The following CFAP299 variants were observed in gnomAD, a reference collection of about 807,000 sequenced individuals.
The protein encoded by CFAP299 is cilia- and flagella-associated protein 299.
In CFAP299, 21 loss-of-function variants were observed where a neutral mutation model predicts 27.0. The ratio of observed to expected loss-of-function variants is 0.78; its 90% confidence interval spans 0.55 to 1.12. The LOEUF (loss-of-function observed/expected upper bound fraction) is 1.12, where lower values mean the gene tolerates loss of function less well. Among genes scored for constraint, CFAP299 ranks in the 50% most tolerant of loss-of-function variants. The probability of loss-of-function intolerance (pLI) is 0.00; values close to 1 mark genes in which losing one functional copy is unlikely to be tolerated. For missense variants in CFAP299, 310 were observed against 276.6 expected (o/e 1.12, Z -0.86); for synonymous variants, 104 against 98.1 (o/e 1.06, Z -0.36).
upstream of CFAP299, among the ~76,000 whole-genome samples, chr4:80,331,074 G>A (rs1721923338): frequency 6.6e-6 from 1 of 152,136 alleles, no homozygotes; most frequent in Non-Finnish European, 1.5e-5. Context: ...ACTATATCTT[G>A]ATCTCTATAC....
intron 1 of CFAP299, among the ~76,000 whole-genome samples, chr4:80,339,616 A>T (rs922543423): frequency 1.3e-5 from 2 of 152,252 alleles, no homozygotes; most frequent in African/African-American, 2.4e-5. Context: ...AAGCATCAAA[A>T]GAAATGCATC....
chr4:80,558,681 A>G (rs1007246516), intron 2 of CFAP299, among the ~76,000 whole-genome samples: 3 of 148,616 alleles, frequency 2.0e-5, no homozygotes, highest in Non-Finnish European at 4.5e-5. Flanking sequence ...AGAGCATTGG[A>G]AAAAAAAAAG....
intron 2 of CFAP299, among the ~76,000 whole-genome samples, chr4:80,576,197 A>AAATATATATAT (rs980515680): frequency 3.1e-5 from 1 of 32,460 alleles, no homozygotes; most frequent in Admixed American, 3.8e-4. Flanking sequence ...TAAAAAAAAA[A>AAATATATATAT]ATATATATAT....
At chr4:80,578,080 A>C (rs1022607675) in intron 2 of CFAP299, among the ~76,000 whole-genome samples, 1 of 152,218 alleles carries the variant, frequency 6.6e-6, no homozygotes, top group Non-Finnish European at 1.5e-5. Flanking sequence ...TAACTCATCC[A>C]TATAACTTTT....
Position 80,960,430 on chromosome 4 carries a change from A to G in CFAP299, c.607-3087A>G, listed in dbSNP as rs144537498. Among the ~76,000 whole-genome samples the G allele has an allele frequency of 5.3e-4, 80 of 151,972 alleles. No individual in the cohort carries two copies. In the East Asian group the frequency reaches 0.014, roughly 27 times the overall value. On this transcript the variant is annotated intron_variant, in intron 5 of 5. Coordinates refer to ENST00000358105, the MANE Select transcript of CFAP299 (RefSeq NM_152770.3). ...GCAGTAACTATTTTTAAAGTTCTCA[A>G]TTTCAACTTTCAATATGGAAAATAT... is the stretch of plus-strand genomic sequence containing the variant.
At chr4:80,359,151 A>G (rs770373467) in intron 1 of CFAP299, among the ~76,000 whole-genome samples, 5 of 152,076 alleles carry the variant, frequency 3.3e-5, no homozygotes, top group Non-Finnish European at 7.4e-5. Context: ...TTGGCCCCCA[A>G]TCTTTTCTGG....
At chr4:80,809,836 T>C (rs1054719371) in intron 3 of CFAP299, among the ~76,000 whole-genome samples, 1 of 152,164 alleles carries the variant, frequency 6.6e-6, no homozygotes, top group South Asian at 2.1e-4. Flanking sequence ...ATCAATGTAG[T>C]TTGAAATTGC....
chr4:80,864,241 T>C (rs1016982924), intron 3 of CFAP299, among the ~76,000 whole-genome samples: 1 of 151,694 alleles, frequency 6.6e-6, no homozygotes, highest in African/African-American at 2.4e-5. Flanking sequence ...TTAAAATTAT[T>C]CTTAAGTCTA....
chr4:80,667,121 T>C (rs1741179504), intron 3 of CFAP299, among the ~76,000 whole-genome samples: 1 of 152,204 alleles, frequency 6.6e-6, no homozygotes, highest in African/African-American at 2.4e-5. Context: ...AGTCACTACC[T>C]TTGTTCAGCC....
Position 80,360,667 on chromosome 4 carries a change from G to A in CFAP299, c.112-2087G>A, listed in dbSNP as rs145238086. Among the ~76,000 whole-genome samples, 3 of 152,310 alleles carry A rather than the reference G, an allele frequency of 2.0e-5. No individual in the cohort carries two copies. In the East Asian group the frequency reaches 5.8e-4, roughly 29 times the overall value. ...TTGATAGGTAAGTGGCCAGCCACTA[G>A]CCTTCTGATTGTTATAGGTTTCAAG... On this transcript the variant is annotated intron_variant, in intron 1 of 5. Transcript: ENST00000358105.
chr4:80,872,871 G>A (rs1733174062), intron 4 of CFAP299: 2 of 951,014 alleles, frequency 2.1e-6, no homozygotes, highest in Non-Finnish European at 2.5e-6. Context: ...TTAATCCTTT[G>A]CCTCTTATGT....
intron 2 of CFAP299, among the ~76,000 whole-genome samples, chr4:80,418,216 A>T (rs1727111414): frequency 6.6e-6 from 1 of 151,616 alleles, no homozygotes; most frequent in Non-Finnish European, 1.5e-5. Flanking sequence ...ATTCTGGAAG[A>T]TGTACAACAA....
chr4:80,516,026 T>C (rs887412602), intron 2 of CFAP299, among the ~76,000 whole-genome samples: 92 of 149,554 alleles, frequency 6.2e-4, no homozygotes, highest in Non-Finnish European at 7.6e-4. Flanking sequence ...TCTTTTTTTT[T>C]TTTTTTTTTT....
intron 3 of CFAP299, among the ~76,000 whole-genome samples, chr4:80,640,280 A>G (rs1410769571): frequency 6.6e-6 from 1 of 152,134 alleles, no homozygotes; most frequent in Non-Finnish European, 1.5e-5. Context: ...AGAATACTAG[A>G]GGCATGTATG....
chr4:80,475,945 G>A (rs962872765), intron 2 of CFAP299, among the ~76,000 whole-genome samples: 3 of 152,152 alleles, frequency 2.0e-5, no homozygotes, highest in Non-Finnish European at 4.4e-5. Context: ...CGACCCAGAC[G>A]CCAGTAAACA....
chr4:80,610,927 G>C (rs1015765707), intron 3 of CFAP299, among the ~76,000 whole-genome samples: 1 of 151,976 alleles, frequency 6.6e-6, no homozygotes, highest in East Asian at 1.9e-4. Context: ...GTTTCTTTAA[G>C]TTGTTCTATC....
chr4:80,576,195 A>T (rs866728473), intron 2 of CFAP299, among the ~76,000 whole-genome samples: 868 of 40,628 alleles, frequency 0.021, 4 homozygotes, highest in African/African-American at 0.039. Flanking sequence ...AATAAAAAAA[A>T]AAATATATAT....
At chr4:80,892,420 G>A (rs941547003) in intron 4 of CFAP299, among the ~76,000 whole-genome samples, 2 of 152,058 alleles carry the variant, frequency 1.3e-5, no homozygotes, top group African/African-American at 2.4e-5. Flanking sequence ...AAAACATTGG[G>A]GAATCTCTCC....
In CFAP299 at chr4:80,504,034, TAATC is replaced by T. The variant is rs1731873143; in HGVS notation, c.243-79056_243-79053del. On this transcript the variant is annotated intron_variant, in intron 2 of 5. Transcript: ENST00000358105. The stretch of plus-strand genomic sequence containing the variant: ...TTTATAGGATGGTACTTTAATTAAA[TAATC>T]AAGCAAATAGATGTATAATCCAAAC... Among the ~76,000 whole-genome samples, 3 of 152,216 alleles carry T rather than the reference TAATC, an allele frequency of 2.0e-5. No individual in the cohort carries two copies. In the South Asian group the frequency reaches 6.2e-4, roughly 32 times the overall value.
Sources: allele counts gnomAD v4.1 joint callset (sites outside exome capture counted in the v4.1 genomes callset), GRCh38; gene constraint gnomAD v4.1.1; transcripts MANE v1.5; gene names NCBI Gene and HGNC (gene_info 2026-07-23, HGNC 2026-07-21).